Variants in TRMO observed in about 807,000 individuals in gnomAD.
The protein encoded by TRMO is tRNA (adenine(37)-N6)-methyltransferase.
A neutral mutation model predicts 37.2 loss-of-function variants in TRMO; 30 were observed. The ratio of observed to expected loss-of-function variants is 0.81; its 90% CI spans 0.60 to 1.09. The LOEUF (loss-of-function observed/expected upper bound fraction) is 1.09, where lower values mean the gene tolerates loss of function less well. TRMO is among the 50% of genes least tolerant of loss of function. TRMO has a pLI of 0.00. For synonymous variants in TRMO, 239 were observed against 199.4 expected (o/e 1.20, Z -1.67); for missense variants, 552 against 549.5 (o/e 1.00, Z -0.05).
the TRMO span, among the ~76,000 whole-genome samples, chr9:97,897,736 G>GT: frequency 6.6e-6 from 1 of 152,298 alleles, no homozygotes; most frequent in African/African-American, 2.4e-5. Context: ...ATTTAAAAAT[G>GT]TTTTTTATAT....
intron 4 of TRMO, among the ~76,000 whole-genome samples, chr9:97,909,086 C>T (rs1825989358): frequency 6.6e-6 from 1 of 152,128 alleles, no homozygotes; most frequent in South Asian, 2.1e-4. Flanking sequence ...TCCTGAGTAG[C>T]TGAAATTACA....
downstream of TRMO, among the ~76,000 whole-genome samples, chr9:97,901,314 A>G (rs1446261948): frequency 1.3e-5 from 2 of 152,216 alleles, no homozygotes; most frequent in African/African-American, 4.8e-5. Context: ...TTGTTGACAC[A>G]ATCCCTTTTC....
At chr9:97,908,195 A>G (rs143641098) in intron 4 of TRMO, among the ~76,000 whole-genome samples, 1,638 of 152,168 alleles carry the variant, frequency 0.011, 19 homozygotes, top group African/African-American at 0.033. Context: ...GGGGAATCAC[A>G]AGGTCAGGAG....
At chr9:97,904,138 T>C (rs1177006834), downstream of TRMO, among the ~76,000 whole-genome samples, 1 of 152,144 alleles carries the variant, frequency 6.6e-6, no homozygotes, top group Non-Finnish European at 1.5e-5. Context: ...CTGAGGGTGA[T>C]TTCCTTTTCT....
chr9:97,916,487 C>T (rs970400152), intron 1 of TRMO, 149 bp from the exon 2 acceptor site: 13 of 600,036 alleles, frequency 2.2e-5, no homozygotes, highest in Admixed American at 9.2e-5. Context: ...TTCATGAATA[C>T]GTATAAGTAT....
At chr9:97,914,931 T>C (rs1417381804) in intron 2 of TRMO, among the ~76,000 whole-genome samples, 1 of 151,970 alleles carries the variant, frequency 6.6e-6, no homozygotes, top group Non-Finnish European at 1.5e-5. Flanking sequence ...TAAGGAAAAA[T>C]CTCTTTATAT....
chr9:97,909,895 C>T, intron 4 of TRMO, 65 bp downstream of exon 4: 5 of 1,281,278 alleles, frequency 3.9e-6, no homozygotes, highest in South Asian at 3.0e-5. Flanking sequence ...TTCACAAATA[C>T]CAAACTTGGC....
intron 4 of TRMO, 80 bp from the exon 5 acceptor site, chr9:97,905,072 G>T: frequency 6.8e-7 from 1 of 1,480,202 alleles, no homozygotes; most frequent in South Asian, 1.2e-5. Flanking sequence ...TATGGAATCT[G>T]GTTGGTTCCT....
At chr9:97,922,372 G>A (rs1202393109) in intron 1 of TRMO, 46 bp downstream of exon 1, 2 of 1,331,530 alleles carry the variant, frequency 1.5e-6, no homozygotes, top group Admixed American at 4.0e-5. Flanking sequence ...CCGCTGCCTG[G>A]GCCTAAACCT....
intron 4 of TRMO, among the ~76,000 whole-genome samples, chr9:97,905,917 A>G (rs1032771465): frequency 1.3e-5 from 2 of 152,190 alleles, no homozygotes; most frequent in African/African-American, 4.8e-5. Context: ...GCACTTTGGG[A>G]GGCCAAGGCA....
chr9:97,903,124 G>A (rs1009730724), downstream of TRMO, among the ~76,000 whole-genome samples: 1 of 151,898 alleles, frequency 6.6e-6, no homozygotes, highest in Non-Finnish European at 1.5e-5. Context: ...TAAAAATAGT[G>A]GGGCATGGTG....
intron 1 of TRMO, among the ~76,000 whole-genome samples, chr9:97,921,356 G>A (rs1826621244): frequency 6.6e-6 from 1 of 152,086 alleles, no homozygotes; most frequent in Admixed American, 6.5e-5. Context: ...AGGAGTTTGA[G>A]ACCAGCCTGG....
downstream of TRMO, among the ~76,000 whole-genome samples, chr9:97,904,206 T>C (rs1229936022): frequency 1.3e-5 from 2 of 152,200 alleles, no homozygotes; most frequent in African/African-American, 4.8e-5. Context: ...CAGTATTAAA[T>C]ATATATACAT....
downstream of TRMO, among the ~76,000 whole-genome samples, chr9:97,901,772 C>A (rs184063518): frequency 3.7e-4 from 52 of 140,500 alleles, no homozygotes; most frequent in Non-Finnish European, 4.9e-4. Context: ...AAAAAAAAAG[C>A]TTGGATGGAT....
chr9:97,912,819 G>A (rs1318188464), intron 3 of TRMO: 9 of 745,992 alleles, frequency 1.2e-5, no homozygotes, highest in Admixed American at 7.1e-5. Flanking sequence ...CCATAAATGC[G>A]TAACTAGGTT....
At chr9:97,898,494 T>C in the TRMO span, among the ~76,000 whole-genome samples, 1 of 151,964 alleles carries the variant, frequency 6.6e-6, no homozygotes, top group Non-Finnish European at 1.5e-5. Context: ...CATGAGCCAC[T>C]ACACCCCGTT....
At chr9:97,899,032 G>C in the TRMO span, among the ~76,000 whole-genome samples, 1 of 151,388 alleles carries the variant, frequency 6.6e-6, no homozygotes, top group Admixed American at 6.6e-5. Flanking sequence ...TAGAGACGGG[G>C]TTTCACCACG....
At chr9:97,911,171 T>C in intron 3 of TRMO, 2 of 225,312 alleles carry the variant, frequency 8.9e-6, no homozygotes, top group Non-Finnish European at 1.9e-5. Flanking sequence ...TCCTTCCCCT[T>C]GAGTGTGACT....
rs16925321 is a variant in TRMO at position 97,922,209 on chromosome 9, T to C, written c.76+209A>G. On this transcript the variant is annotated intron_variant, in intron 1 of 4. Transcript: ENST00000375119. ...GACTACGCAGACAGTACAAGTCTTA[T>C]AACAAAGCGGAACAAGCCAGATGAC... Among the ~76,000 whole-genome samples the C allele has an allele frequency of 9.2e-5, 14 of 152,268 alleles. 1 individual carries two copies. In the East Asian group the frequency reaches 1.9e-3, roughly 21 times the overall value.
Sources: allele counts gnomAD v4.1 joint callset (sites outside exome capture counted in the v4.1 genomes callset), GRCh38; gene constraint gnomAD v4.1.1; transcripts MANE v1.5; gene names NCBI Gene and HGNC (gene_info 2026-07-23, HGNC 2026-07-21).